Variants in NEK7 observed in about 807,000 individuals in gnomAD.
NEK7 encodes serine/threonine-protein kinase Nek7.
In NEK7, 18 loss-of-function variants were observed where a neutral mutation model predicts 44.6. The observed-to-expected ratio is 0.40, with a 90% CI of 0.28 to 0.60. The LOEUF (loss-of-function observed/expected upper bound fraction) is 0.60. Among genes scored for constraint, NEK7 ranks in the 20% least tolerant of loss-of-function variants. The pLI, the probability that NEK7 is intolerant of heterozygous loss-of-function variation, is 0.38. For missense variants in NEK7, 256 were observed against 366.5 expected (o/e 0.70, Z 2.46); for synonymous variants, 130 against 121.1 (o/e 1.07, Z -0.48).
intron 2 of NEK7, among the ~76,000 whole-genome samples, chr1:198,243,797 TA>T (rs1462665956): frequency 6.6e-6 from 1 of 152,150 alleles, no homozygotes; most frequent in African/African-American, 2.4e-5. Flanking sequence ...AGGAATAGGT[TA>T]CATTTGACAT....
intron 2 of NEK7, chr1:198,245,212 G>C (rs1020050766): frequency 3.5e-5 from 6 of 169,212 alleles, no homozygotes; most frequent in Admixed American, 6.5e-5. Flanking sequence ...AGAAAGAGAA[G>C]GAGTTTCTTG....
At chr1:198,193,443 T>C (rs879440848) in intron 1 of NEK7, among the ~76,000 whole-genome samples, 3 of 152,066 alleles carry the variant, frequency 2.0e-5, no homozygotes, top group Admixed American at 2.0e-4. Flanking sequence ...GAGGGACTCT[T>C]CCCTAACTTA....
chr1:198,287,304 AC>A (rs1654402919), intron 7 of NEK7, among the ~76,000 whole-genome samples: 2 of 151,830 alleles, frequency 1.3e-5, no homozygotes, highest in Non-Finnish European at 2.9e-5. Context: ...ACACGGTGAA[AC>A]CCCATCTCTA....
At chr1:198,299,543 C>A (rs1654818831) in intron 9 of NEK7, among the ~76,000 whole-genome samples, 1 of 152,106 alleles carries the variant, frequency 6.6e-6, no homozygotes, top group Non-Finnish European at 1.5e-5. Flanking sequence ...CAACAGTGAA[C>A]TTTTAATTAA....
At chr1:198,202,915 G>A (rs1416543163) in intron 1 of NEK7, among the ~76,000 whole-genome samples, 3 of 152,176 alleles carry the variant, frequency 2.0e-5, no homozygotes, top group Admixed American at 1.3e-4. Context: ...TCTAGGGTCA[G>A]GGATGGGAAG....
chr1:198,217,005 A>G (rs1159446197), intron 1 of NEK7, among the ~76,000 whole-genome samples: 1 of 152,074 alleles, frequency 6.6e-6, no homozygotes, highest in Non-Finnish European at 1.5e-5. Context: ...ATAGATTCAC[A>G]GCCAAATTCT....
At chr1:198,161,680 C>T (rs1571491188) in intron 1 of NEK7, among the ~76,000 whole-genome samples, 1 of 152,138 alleles carries the variant, frequency 6.6e-6, no homozygotes, top group East Asian at 1.9e-4. Flanking sequence ...TAGGTTTATC[C>T]ATGTTTTCAG....
rs780022824 is a variant in NEK7 at position 198,286,239 on chromosome 1, TTC to T, written c.590-6704_590-6703del. Among the ~76,000 whole-genome samples, 3 of 152,302 alleles carry T rather than the reference TTC, an allele frequency of 2.0e-5. No homozygotes were observed. In the South Asian group the frequency reaches 6.2e-4, roughly 32 times the overall value. The stretch of plus-strand genomic sequence containing the variant: ...ATAGGTATGATTATCAAGTTTAGAT[TTC>T]TGTCAGTGACCAAGCCAGAGTTCAT... On this transcript the variant is annotated intron_variant, in intron 7 of 9. Coordinates refer to ENST00000367385, the MANE Select transcript of NEK7 (RefSeq NM_133494.3).
At chr1:198,293,777 C>T (rs1027243837) in intron 8 of NEK7, among the ~76,000 whole-genome samples, 2 of 151,626 alleles carry the variant, frequency 1.3e-5, no homozygotes, top group African/African-American at 4.8e-5. Flanking sequence ...CGAGTCAAAG[C>T]TGTTAATTAA....
rs187702327 is a variant in NEK7 at position 198,212,342 on chromosome 1, G to A, written c.-28-20211G>A. ...GCATATGGCCTGGGGGCAGTTTTGT[G>A]TTCTGAGCACAGGCTGCCTGGAATT... On this transcript the variant is annotated intron_variant, in intron 1 of 9. Transcript: ENST00000367385. 1.8e-3 allele frequency among the ~76,000 whole-genome samples: 281 copies of A among 152,344 alleles called. 2 individuals are homozygous for A. The highest frequency in any genetic ancestry group is 6.3e-3 in the African/African-American group (261 of 41,584).
intron 1 of NEK7, among the ~76,000 whole-genome samples, chr1:198,179,454 T>C (rs1327387414): frequency 1.3e-5 from 2 of 152,084 alleles, no homozygotes; most frequent in African/African-American, 2.4e-5. Flanking sequence ...GGTCTAACAG[T>C]TAAGTGACAG....
At chr1:198,207,730 T>C in intron 1 of NEK7, among the ~76,000 whole-genome samples, 1 of 152,012 alleles carries the variant, frequency 6.6e-6, no homozygotes, top group Non-Finnish European at 1.5e-5. Flanking sequence ...CTGATGGAAC[T>C]GTTCTATATT....
chr1:198,226,539 C>T (rs1479807712), intron 1 of NEK7, among the ~76,000 whole-genome samples: 6 of 149,582 alleles, frequency 4.0e-5, no homozygotes, highest in Non-Finnish European at 8.9e-5. Flanking sequence ...AGCGATATTG[C>T]GTCTCAAAAA....
intron 7 of NEK7, among the ~76,000 whole-genome samples, chr1:198,291,365 G>A (rs1176951816): frequency 6.6e-6 from 1 of 152,030 alleles, no homozygotes; most frequent in African/African-American, 2.4e-5. Context: ...TCCAATAATT[G>A]GTGTCACTTA....
chr1:198,206,151 A>G (rs1665592930), intron 1 of NEK7, among the ~76,000 whole-genome samples: 1 of 151,978 alleles, frequency 6.6e-6, no homozygotes. Context: ...GTTTAAGTTA[A>G]AAAAAAACTG....
intron 3 of NEK7, among the ~76,000 whole-genome samples, chr1:198,258,120 T>G (rs1478350499): frequency 6.6e-6 from 1 of 152,074 alleles, no homozygotes; most frequent in Non-Finnish European, 1.5e-5. Flanking sequence ...AAGGAGTCAG[T>G]CATCTGAAGG....
chr1:198,291,285 G>A (rs1277389325), intron 7 of NEK7, among the ~76,000 whole-genome samples: 1 of 152,122 alleles, frequency 6.6e-6, no homozygotes, highest in Non-Finnish European at 1.5e-5. Context: ...CTGAAACCAG[G>A]AGCAGAGCCT....
chr1:198,317,885 T>TTTTA (rs1571627931), intron 9 of NEK7, among the ~76,000 whole-genome samples: 2 of 144,436 alleles, frequency 1.4e-5, no homozygotes, highest in Non-Finnish European at 3.1e-5. Context: ...TTATTTTTTT[T>TTTTA]TTTTTTTTTT....
chr1:198,236,105 G>T (rs1292380961), intron 2 of NEK7, among the ~76,000 whole-genome samples: 2 of 152,142 alleles, frequency 1.3e-5, no homozygotes, highest in Admixed American at 1.3e-4. Flanking sequence ...AGGGTTCATT[G>T]TAGGCCAGCC....
Sources: allele counts gnomAD v4.1 joint callset (sites outside exome capture counted in the v4.1 genomes callset), GRCh38; gene constraint gnomAD v4.1.1; transcripts MANE v1.5; gene names NCBI Gene and HGNC (gene_info 2026-07-23, HGNC 2026-07-21).